The following TNIK variants were observed in gnomAD, a reference collection of about 807,000 sequenced individuals.
TNIK encodes TRAF2 and NCK-interacting protein kinase.
A neutral mutation model predicts 191.3 loss-of-function variants in TNIK; 49 were observed. The ratio of observed to expected loss-of-function variants is 0.26; its 90% CI spans 0.20 to 0.32. TNIK has a LOEUF of 0.32. Ranked by LOEUF, TNIK falls within the 10% of genes least tolerant of loss-of-function variation. The pLI, the probability that TNIK is intolerant of heterozygous loss-of-function variation, is 1.00. For missense variants in TNIK, 1,155 were observed against 1,702.3 expected, an observed-to-expected ratio of 0.68 and a Z score of 5.66; for synonymous variants, 594 against 600.9, an observed-to-expected ratio of 0.99 and a Z score of 0.17.
chr3:171,369,722 A>G, intron 1 of TNIK, 37 bp from the exon 2 acceptor site: 1 of 1,511,144 alleles, frequency 6.6e-7, no homozygotes, highest in Admixed American at 2.0e-5. Flanking sequence ...AATTCAAAAC[A>G]ATATTCCAGG....
chr3:171,237,235 C>T (rs1334948285), intron 2 of TNIK, among the ~76,000 whole-genome samples: 3 of 152,138 alleles, frequency 2.0e-5, no homozygotes, highest in Non-Finnish European at 2.9e-5. Flanking sequence ...CCCTCTCCCA[C>T]GGTGTCCTCA....
rs567353721 is a variant in TNIK at position 171,169,524 on chromosome 3, T to C, written c.774-2254A>G. ...CTCAGATGATTCGCCTACCTCAGCCTCCCAAAGTGCTGGTATTACAGGCAT... is the reference window on the plus strand; with the variant it reads ...CTCAGATGATTCGCCTACCTCAGCCCCCCAAAGTGCTGGTATTACAGGCAT... On this transcript the variant is annotated intron_variant, in intron 9 of 32. Transcript: ENST00000436636. 8.5e-5 allele frequency among the ~76,000 whole-genome samples: 13 copies of C among 152,342 alleles called. No homozygotes were observed. The East Asian group carries it at 2.5e-3, about 29-fold the overall frequency.
chr3:171,147,798 A>C (rs1014966408), intron 12 of TNIK, among the ~76,000 whole-genome samples: 2 of 152,100 alleles, frequency 1.3e-5, no homozygotes, highest in African/African-American at 4.8e-5. Flanking sequence ...TATCTTGCCC[A>C]AGTTCACTCG....
intron 2 of TNIK, among the ~76,000 whole-genome samples, chr3:171,248,793 C>T (rs1008042151): frequency 5.9e-5 from 9 of 152,188 alleles, no homozygotes; most frequent in Non-Finnish European, 1.3e-4. Flanking sequence ...ACAAGTGAGA[C>T]AAGGACTAGA....
chr3:171,218,931 T>G (rs1344088453), intron 3 of TNIK, among the ~76,000 whole-genome samples: 9 of 133,222 alleles, frequency 6.8e-5, no homozygotes, highest in Non-Finnish European at 1.4e-4. Context: ...TTTTATATGT[T>G]TTATATATAT....
chr3:171,230,340 T>C (rs1553863327), intron 2 of TNIK, among the ~76,000 whole-genome samples: 1 of 152,180 alleles, frequency 6.6e-6, no homozygotes, highest in Non-Finnish European at 1.5e-5. Flanking sequence ...TCTTAAATAA[T>C]GGCTGTTCAT....
In TNIK at chr3:171,342,536, T is replaced by A. The variant is rs936868317; in HGVS notation, c.123+27084A>T. On this transcript the variant is annotated intron_variant, in intron 2 of 32. Transcript: ENST00000436636. The stretch of plus-strand genomic sequence containing the variant: ...AAAAAAACAAAAAAAGAGGGAGGTG[T>A]CTCTGTGGCAAAGGGGCACAGCAGA... 2.0e-5 allele frequency among the ~76,000 whole-genome samples: 3 copies of A among 151,956 alleles called. No individual in the cohort carries two copies. In the East Asian group the frequency reaches 5.8e-4, roughly 29 times the overall value.
intron 1 of TNIK, among the ~76,000 whole-genome samples, chr3:171,383,833 A>C (rs1257871886): frequency 3.3e-5 from 5 of 152,212 alleles, no homozygotes; most frequent in Non-Finnish European, 1.5e-5. Context: ...ACTAAAAACT[A>C]GATTACATTC....
chr3:171,154,977 G>T (rs1384190349), intron 12 of TNIK, among the ~76,000 whole-genome samples: 2 of 152,172 alleles, frequency 1.3e-5, no homozygotes, highest in African/African-American at 4.8e-5. Flanking sequence ...AATCCACATG[G>T]TTACTCATAA....
At chr3:171,137,889 A>G (rs1200590445) in intron 15 of TNIK, among the ~76,000 whole-genome samples, 5 of 151,812 alleles carry the variant, frequency 3.3e-5, no homozygotes, top group African/African-American at 1.2e-4. Flanking sequence ...CACAAATTCA[A>G]TTGGATGAGT....
At chr3:171,128,524 G>A (rs1293605486) in intron 16 of TNIK, among the ~76,000 whole-genome samples, 190 bp downstream of exon 16, 1 of 152,070 alleles carries the variant, frequency 6.6e-6, no homozygotes, top group Non-Finnish European at 1.5e-5. Context: ...TAAGGGTGAT[G>A]CTTTTTTCTT....
At chr3:171,149,344 T>G (rs949930262) in intron 12 of TNIK, among the ~76,000 whole-genome samples, 1 of 152,130 alleles carries the variant, frequency 6.6e-6, no homozygotes, top group Non-Finnish European at 1.5e-5. Flanking sequence ...TTTTTTTCAG[T>G]ATGAAATGCT....
chr3:171,111,807 A>ATC (rs984964516), intron 18 of TNIK, among the ~76,000 whole-genome samples: 2 of 152,346 alleles, frequency 1.3e-5, no homozygotes, highest in African/African-American at 4.8e-5. Context: ...AATGTGATAT[A>ATC]TCTCTCTCTC....
chr3:171,368,517 T>C (rs1716051653), intron 2 of TNIK, among the ~76,000 whole-genome samples: 1 of 152,178 alleles, frequency 6.6e-6, no homozygotes, highest in Non-Finnish European at 1.5e-5. Context: ...TTCTGTCTAA[T>C]GGTAAAAGGT....
At chr3:171,397,265 A>G (rs1045507055) in intron 1 of TNIK, among the ~76,000 whole-genome samples, 1 of 152,086 alleles carries the variant, frequency 6.6e-6, no homozygotes, top group Non-Finnish European at 1.5e-5. Context: ...AGTCTGCTAC[A>G]CTCCCCTTTT....
chr3:171,327,103 G>T (rs569219926), intron 2 of TNIK, among the ~76,000 whole-genome samples: 5 of 152,290 alleles, frequency 3.3e-5, no homozygotes, highest in African/African-American at 1.2e-4. Flanking sequence ...AGATAAAAAT[G>T]ATTTCTGGGA....
Position 171,144,711 on chromosome 3 carries a change from C to T in TNIK, c.1222-4202G>A, listed in dbSNP as rs182982356. 4.4e-4 allele frequency among the ~76,000 whole-genome samples: 67 copies of T among 152,214 alleles called. No individual in the cohort carries two copies. In the East Asian group the frequency reaches 4.6e-3, roughly 11 times the overall value. ...GCCATCCTCTTATGCAATAGAACACCAGCACTTATTCCTCTCGTCTATAGC... is the reference window on the plus strand; with the variant it reads ...GCCATCCTCTTATGCAATAGAACACTAGCACTTATTCCTCTCGTCTATAGC... On this transcript the variant is annotated intron_variant, in intron 12 of 32. Transcript: ENST00000436636.
In TNIK at chr3:171,154,491, AAGT is replaced by A. The variant is rs374329160; in HGVS notation, c.1221+2966_1221+2968del. On this transcript the variant is annotated intron_variant, in intron 12 of 32. Coordinates refer to ENST00000436636, the MANE Select transcript of TNIK (RefSeq NM_015028.4). ...CTTACAGGCACGCTCCCCAAAATGA[AAGT>A]ATAGAATGTGCTCAGCAATTTGAAA... Among the ~76,000 whole-genome samples the A allele has an allele frequency of 3.5e-3, 526 of 152,282 alleles. 3 individuals carry two copies. Among genetic ancestry groups the A allele is most frequent in the African/African-American group, 0.012 (516 of 41,528 alleles).
Position 171,088,195 on chromosome 3 carries a change from A to G in TNIK, c.2722-689T>C, listed in dbSNP as rs140773866. Among the ~76,000 whole-genome samples the G allele has an allele frequency of 3.5e-3, 535 of 152,142 alleles. 3 individuals carry two copies. Among genetic ancestry groups the G allele is most frequent in the African/African-American group, 0.013 (522 of 41,476 alleles). Reference sequence around the variant, plus strand: ...TCATAACTAGCAAAGCATTTGAAACATCACCTCTAATATCCCTTTTTAATG... The same window carrying G: ...TCATAACTAGCAAAGCATTTGAAACGTCACCTCTAATATCCCTTTTTAATG... On this transcript the variant is annotated intron_variant, in intron 23 of 32. Coordinates refer to ENST00000436636, the MANE Select transcript of TNIK (RefSeq NM_015028.4).
Sources: gnomAD v4.1 joint callset for allele counts (sites outside exome capture counted in the v4.1 genomes callset) on GRCh38, gnomAD v4.1.1 for gene constraint, MANE v1.5 for transcripts, NCBI Gene and HGNC (gene_info 2026-07-23, HGNC 2026-07-21) for gene names.